The following GRIK4 variants were observed in gnomAD, a reference collection of about 807,000 sequenced individuals.
GRIK4 encodes the protein glutamate ionotropic receptor kainate type subunit 4.
In GRIK4, 40 loss-of-function variants were observed where a neutral mutation model predicts 104.9. The ratio of observed to expected loss-of-function variants is 0.38; its 90% CI spans 0.30 to 0.50. GRIK4 has a LOEUF of 0.50. GRIK4 is among the 20% of genes least tolerant of loss of function. The pLI is 0.93. For missense variants in GRIK4, 1,047 were observed against 1,308.1 expected (o/e 0.80, Z 3.08); for synonymous variants, 485 against 524.9 (o/e 0.92, Z 1.04).
chr11:120,854,076 G>A (rs1223936151), intron 8 of GRIK4, among the ~76,000 whole-genome samples: 1 of 152,238 alleles, frequency 6.6e-6, no homozygotes, highest in African/African-American at 2.4e-5. Flanking sequence ...AGCCCCAAAA[G>A]CAGTGCATGA....
intron 11 of GRIK4, among the ~76,000 whole-genome samples, chr11:120,890,850 T>A (rs1354123654): frequency 1.3e-5 from 2 of 152,074 alleles, no homozygotes; most frequent in East Asian, 3.9e-4. Context: ...AAAACCTGAG[T>A]CTGAAGCCGA....
chr11:120,667,461 C>T (rs746804384), intron 3 of GRIK4, among the ~76,000 whole-genome samples: 8 of 152,268 alleles, frequency 5.3e-5, no homozygotes, highest in Non-Finnish European at 7.3e-5. Flanking sequence ...GGGCGGGACG[C>T]GTGCGTGTGC....
chr11:120,589,810 C>G (rs1347683093), intron 1 of GRIK4, among the ~76,000 whole-genome samples: 1 of 152,144 alleles, frequency 6.6e-6, no homozygotes, highest in Non-Finnish European at 1.5e-5. Flanking sequence ...TATTGATAGC[C>G]AAAAAGGCCA....
chr11:120,780,821 A>C (rs2135472842), intron 3 of GRIK4, among the ~76,000 whole-genome samples: 1 of 152,262 alleles, frequency 6.6e-6, no homozygotes, highest in African/African-American at 2.4e-5. Context: ...AGCTCACTGC[A>C]AGCTCCGCCT....
chr11:120,875,599 T>C (rs1954763102), intron 11 of GRIK4, among the ~76,000 whole-genome samples: 1 of 152,138 alleles, frequency 6.6e-6, no homozygotes, highest in Admixed American at 6.5e-5. Context: ...GCAGAGACTG[T>C]ATCACATGTG....
intron 11 of GRIK4, 63 bp from the exon 12 acceptor site, chr11:120,898,469 C>T (rs1592056349): frequency 1.1e-6 from 1 of 931,868 alleles, no homozygotes; most frequent in East Asian, 2.5e-5. Flanking sequence ...AGGTCAGCCT[C>T]TTGGCTCCTT....
Position 120,967,081 on chromosome 11 carries a change from C to T in GRIK4, c.2267-114C>T. ...CCCACCCGCTGCATCTGTCTGTCCC[C>T]TCTCGAGGTGAAAGCAGGCAGGGTG... On this transcript the variant is annotated intron_variant, in intron 18 of 20. Transcript: ENST00000527524. The surrounding 1 kb of genome is among the most constrained non-coding windows in gnomAD (Gnocchi z 4.2). 1 of 1,206,230 alleles carries T rather than the reference C, an allele frequency of 8.3e-7. No individual in the cohort carries two copies. The highest frequency in any genetic ancestry group is 2.1e-5 in the Admixed American group (1 of 46,634). The allele number at this position is 1,206,230 out of a possible 1,614,324, so 74.7% of individuals were successfully genotyped here.
intron 13 of GRIK4, among the ~76,000 whole-genome samples, chr11:120,911,932 A>C (rs1310762671): frequency 1.3e-5 from 2 of 152,194 alleles, no homozygotes; most frequent in Non-Finnish European, 2.9e-5. Flanking sequence ...TAAAAAACTA[A>C]AAATTATTTG....
intron 1 of GRIK4, among the ~76,000 whole-genome samples, chr11:120,578,203 T>A (rs180692718): frequency 2.6e-5 from 4 of 152,192 alleles, no homozygotes; most frequent in Admixed American, 2.0e-4. Flanking sequence ...GGCTGTTTGG[T>A]TGAAGTTGAT....
chr11:120,840,492 G>A (rs1300997832), intron 8 of GRIK4, among the ~76,000 whole-genome samples: 1 of 152,082 alleles, frequency 6.6e-6, no homozygotes, highest in African/African-American at 2.4e-5. Flanking sequence ...GGAGCTCTGG[G>A]GCAGAGGGTC....
chr11:120,605,637 C>A (rs1948950665), intron 1 of GRIK4, among the ~76,000 whole-genome samples: 1 of 152,260 alleles, frequency 6.6e-6, no homozygotes, highest in Middle Eastern at 3.4e-3. Context: ...CATTCCAGGC[C>A]CTGGAGGATA....
intron 3 of GRIK4, among the ~76,000 whole-genome samples, chr11:120,689,958 C>G (rs775268830): frequency 6.6e-6 from 1 of 152,252 alleles, no homozygotes; most frequent in South Asian, 2.1e-4. Context: ...AAATGAGTAT[C>G]GAATGGGCTT....
In GRIK4 at chr11:120,940,884, G is replaced by C. The variant is rs1299903631; in HGVS notation, c.1590+424G>C. ...GAATGTAGATTCCTTCTCTCTCGATGATCTGTCCTGGAGAATAAATGGTAG... is the reference window on the plus strand; with the variant it reads ...GAATGTAGATTCCTTCTCTCTCGATCATCTGTCCTGGAGAATAAATGGTAG... On this transcript the variant is annotated intron_variant, in intron 14 of 20. Coordinates refer to ENST00000527524, the MANE Select transcript of GRIK4 (RefSeq NM_014619.5). The surrounding 1 kb of genome is among the most constrained non-coding windows in gnomAD (Gnocchi z 4.3). Among the ~76,000 whole-genome samples the C allele has an allele frequency of 1.3e-5, 2 of 152,232 alleles. No individual in the cohort carries two copies. The highest frequency in any genetic ancestry group is 2.9e-5 in the Non-Finnish European group (2 of 68,036).
At position 120,878,221 on chromosome 11, in the gene GRIK4, G is replaced by A. The variant is rs115619256; in HGVS notation, c.1164+2978G>A. 1.2e-3 allele frequency among the ~76,000 whole-genome samples: 185 copies of A among 152,284 alleles called. 1 individual carries two copies. Among genetic ancestry groups the A allele is most frequent in the African/African-American group, 4.0e-3 (166 of 41,554 alleles). The stretch of plus-strand genomic sequence containing the variant: ...CAGGACAGGCTTCTCAAATGTAGAC[G>A]TGCACCAGGATGACCGAGAGTGCTT... On this transcript the variant is annotated intron_variant, in intron 11 of 20. Coordinates refer to ENST00000527524, the MANE Select transcript of GRIK4 (RefSeq NM_014619.5).
chr11:120,959,723 C>T (rs1017658441), intron 16 of GRIK4, among the ~76,000 whole-genome samples: 2 of 152,234 alleles, frequency 1.3e-5, no homozygotes, highest in Non-Finnish European at 2.9e-5. Flanking sequence ...TCTGTCTACT[C>T]AGTAAAACAA....
intron 1 of GRIK4, among the ~76,000 whole-genome samples, chr11:120,601,516 A>G (rs1182311481): frequency 6.6e-6 from 1 of 152,016 alleles, no homozygotes; most frequent in East Asian, 1.9e-4. Context: ...TTGTTTAAAG[A>G]TCAGGTCCCT....
chr11:120,579,227 C>CA (rs993011866), intron 1 of GRIK4, among the ~76,000 whole-genome samples: 1 of 129,302 alleles, frequency 7.7e-6, no homozygotes, highest in African/African-American at 3.0e-5. Flanking sequence ...ACAAAATAAC[C>CA]CCCCCCCCTT....
intron 3 of GRIK4, among the ~76,000 whole-genome samples, chr11:120,677,328 T>C (rs1950114035): frequency 6.6e-6 from 1 of 152,202 alleles, no homozygotes; most frequent in African/African-American, 2.4e-5. Context: ...CCATGGGGTC[T>C]AGAGAGAATA....
At chr11:120,713,442 G>T (rs1484194851) in intron 3 of GRIK4, among the ~76,000 whole-genome samples, 2 of 152,202 alleles carry the variant, frequency 1.3e-5, no homozygotes, top group African/African-American at 4.8e-5. Flanking sequence ...AGACAGAGGG[G>T]GGCCACCCTT....
Sources: allele counts gnomAD v4.1 joint callset (sites outside exome capture counted in the v4.1 genomes callset), GRCh38; gene constraint gnomAD v4.1.1; non-coding constraint Gnocchi (gnomAD v3.1); transcripts MANE v1.5; gene names NCBI Gene and HGNC (gene_info 2026-07-23, HGNC 2026-07-21).